The following FUS variants were observed in gnomAD, a reference collection of about 807,000 sequenced individuals.
FUS encodes RNA-binding protein FUS.
A neutral mutation model predicts 82.7 loss-of-function variants in FUS; 5 were observed. The ratio of observed to expected loss-of-function variants is 0.06; its 90% CI spans 0.03 to 0.13. The LOEUF (loss-of-function observed/expected upper bound fraction) is 0.13, where lower values mean the gene tolerates loss of function less well. FUS is among the 10% of genes least tolerant of loss of function. The pLI is 1.00. For synonymous variants in FUS, 281 were observed against 247.4 expected (o/e 1.14, Z -1.27); for missense variants, 512 against 707.8 (o/e 0.72, Z 3.14).
chr16:31,183,741 C>A, intron 3 of FUS, 117 bp from the exon 4 acceptor site: 1 of 1,293,382 alleles, frequency 7.7e-7, no homozygotes, highest in Non-Finnish European at 1.1e-6. Flanking sequence ...TGCAACATCA[C>A]TAACAGCTTC....
intron 12 of FUS, 81 bp downstream of exon 12, chr16:31,190,479 TC>T: frequency 6.3e-7 from 1 of 1,597,526 alleles, no homozygotes; most frequent in African/African-American, 1.3e-5. Flanking sequence ...GTGCGTGTTT[TC>T]CAAAGAAGTA....
rs184102002 is a variant in FUS, at chr16:31,181,061, C to G, written c.13+834C>G. ...CTGAGTAGTTGGGATTATAGGCGCC[C>G]GCCACCACAGCCCGGCTAATTTTTG... On this transcript the variant is annotated intron_variant, in intron 1 of 14. Transcript: ENST00000254108. Among the ~76,000 whole-genome samples, 1,353 of 152,246 alleles carry G rather than the reference C, an allele frequency of 8.9e-3. 17 individuals are homozygous for G. Among genetic ancestry groups the G allele is most frequent in the Middle Eastern group, 0.014 (4 of 294 alleles).
downstream of FUS, chr16:31,192,871 C>T (rs1400000474): frequency 4.1e-6 from 2 of 485,448 alleles, no homozygotes; most frequent in East Asian, 4.9e-5. Context: ...TGCATCTGGC[C>T]ATCCTCTCAA....
At chr16:31,194,844 A>G (rs1239574030), downstream of FUS, 1 of 476,804 alleles carries the variant, frequency 2.1e-6, no homozygotes, top group South Asian at 1.5e-5. Context: ...AAAACAAAAA[A>G]TGATTGACTT....
At chr16:31,190,571 A>T in intron 12 of FUS, 171 bp from the exon 13 acceptor site, 1 of 1,189,664 alleles carries the variant, frequency 8.4e-7, no homozygotes, top group Non-Finnish European at 1.3e-6. Context: ...AAGGTAATGG[A>T]TTGGGTTCAG....
intron 1 of FUS, among the ~76,000 whole-genome samples, chr16:31,180,735 T>G (rs2058045223): frequency 6.6e-6 from 1 of 152,152 alleles, no homozygotes; most frequent in Non-Finnish European, 1.5e-5. Context: ...GTGTGAGCCT[T>G]GTCCCTCAGT....
At chr16:31,191,846 A>G (rs553760130), downstream of FUS, 33 of 553,320 alleles carry the variant, frequency 6.0e-5, no homozygotes, top group East Asian at 1.1e-4. Flanking sequence ...TTGCCCAGCT[A>G]TGGGGAATTT....
At chr16:31,183,792 T>C in intron 3 of FUS, 66 bp from the exon 4 acceptor site, 4 of 1,597,104 alleles carry the variant, frequency 2.5e-6, no homozygotes, top group Admixed American at 1.7e-5. Context: ...ATGTTTTCTT[T>C]AACCCATTCC....
intron 6 of FUS, chr16:31,185,475 G>A (rs989151487): frequency 1.6e-6 from 1 of 633,500 alleles, no homozygotes; most frequent in East Asian, 3.2e-5. Flanking sequence ...TAATATCCTA[G>A]GCAAGAAACA....
chr16:31,193,146 T>TG (rs1278622557), downstream of FUS: 2 of 485,872 alleles, frequency 4.1e-6, no homozygotes, highest in African/African-American at 3.9e-5. Flanking sequence ...TTCTCCATGT[T>TG]GGTCAGGCTG....
In FUS at chr16:31,180,163, T is replaced by C. The variant is rs775334865; in HGVS notation, c.-52T>C. ...TGCTCAGTCCTCCAGGCGTCGGTAC[T>C]CAGCGGTGTTGGAACTTCGTTGCTT... On this transcript the variant is annotated 5_prime_UTR_variant, in exon 1 of 15. Transcript: ENST00000254108. 22 of 1,601,832 alleles carry C rather than the reference T, an allele frequency of 1.4e-5. No individual in the cohort carries two copies. Among genetic ancestry groups the C allele is most frequent in the Non-Finnish European group, 1.9e-5 (22 of 1,174,188 alleles).
intron 13 of FUS, 59 bp downstream of exon 13, chr16:31,190,901 CG>C: frequency 6.2e-7 from 1 of 1,612,006 alleles, no homozygotes; most frequent in Non-Finnish European, 8.5e-7. Context: ...AATTTTTCAG[CG>C]GGGAGGCTCG....
In FUS at chr16:31,191,081, T is replaced by C. The variant is rs763305035; in HGVS notation, c.1512T>C (p.Gly504=). The C allele has an allele frequency of 6.2e-7, 1 of 1,612,818 alleles. No individual in the cohort carries two copies. The highest frequency in any genetic ancestry group is 1.7e-5 in the Admixed American group (1 of 59,972). ...GGGGCCGGGGTGGTGGGGACAGAGG[T>C]GGCTTTGGCCCTGGCAAGATGGATT... is the stretch of plus-strand genomic sequence containing the variant. The part of the protein sequence containing the change: ...FRGGRGGGDR[G]GFGPGKMDSR... The change falls in exon 14 of 15, where the codon GGT becomes GGC. Residue 504 remains glycine (G), a synonymous_variant. Transcript: ENST00000254108.
rs747152171 is a variant in FUS at position 31,180,197 on chromosome 16, G to C, written c.-18G>C. Reference sequence around the variant, plus strand: ...TTGGAACTTCGTTGCTTGCTTGCCTGTGCGCGCGTGCGCGGACATGGCCTC... The same window carrying C: ...TTGGAACTTCGTTGCTTGCTTGCCTCTGCGCGCGTGCGCGGACATGGCCTC... On this transcript the variant is annotated 5_prime_UTR_variant, in exon 1 of 15. Transcript: ENST00000254108. 2 of 1,610,764 alleles carry C rather than the reference G, an allele frequency of 1.2e-6. No homozygotes were observed. Among genetic ancestry groups the C allele is most frequent in the Non-Finnish European group, 1.7e-6 (2 of 1,178,548 alleles).
chr16:31,186,098 G>C (rs1421447042), intron 6 of FUS: 2 of 237,754 alleles, frequency 8.4e-6, no homozygotes, highest in Admixed American at 5.3e-5. Context: ...ATGAGGAAAT[G>C]TGTGCGTGTG....
At chr16:31,183,222 G>A in intron 3 of FUS, 1 of 178,072 alleles carries the variant, frequency 5.6e-6, no homozygotes, top group Admixed American at 5.4e-5. Context: ...GATGGTGCCT[G>A]TGAACAGCCA....
chr16:31,194,751 T>A (rs957421424), downstream of FUS: 2 of 483,568 alleles, frequency 4.1e-6, no homozygotes, highest in South Asian at 3.1e-5. Context: ...AAAGCCACTC[T>A]TAGAAAATTT....
chr16:31,194,621 T>C (rs754842369), downstream of FUS: 1 of 491,822 alleles, frequency 2.0e-6, no homozygotes, highest in African/African-American at 1.9e-5. Context: ...ATTTTATTTT[T>C]AATTAACTTG....
At chr16:31,192,122 G>C (rs1191270039), downstream of FUS, 3 of 531,228 alleles carry the variant, frequency 5.6e-6, no homozygotes, top group Middle Eastern at 5.2e-4. Context: ...TAGCTGCCCT[G>C]GTGAACAGCG....
Sources: allele counts gnomAD v4.1 joint callset (sites outside exome capture counted in the v4.1 genomes callset), GRCh38; gene constraint gnomAD v4.1.1; transcripts MANE v1.5; gene names NCBI Gene and HGNC (gene_info 2026-07-23, HGNC 2026-07-21).